Variants in PADI6 observed in about 807,000 individuals in gnomAD.
PADI6 encodes peptidyl arginine deiminase 6.
PADI6 carries 66 observed loss-of-function variants against 78.2 expected under a neutral mutation model. That is an observed-to-expected ratio of 0.84 (90% CI 0.69 to 1.04). PADI6 has a LOEUF of 1.04. Among genes scored for constraint, PADI6 ranks in the 50% least tolerant of loss-of-function variants. The probability of loss-of-function intolerance (pLI) is 0.00; values close to 1 mark genes in which losing one functional copy is unlikely to be tolerated. For synonymous variants in PADI6, 397 were observed against 346.9 expected (o/e 1.14, Z -1.60); for missense variants, 854 against 866.1 (o/e 0.99, Z 0.18).
chr1:17,389,037 C>T (rs1225525720), intron 8 of PADI6, among the ~76,000 whole-genome samples, 157 bp downstream of exon 8: 1 of 152,184 alleles, frequency 6.6e-6, no homozygotes, highest in Non-Finnish European at 1.5e-5. Context: ...CCAAGACAGT[C>T]CAATACATGC....
intron 9 of PADI6, 26 bp from the exon 10 acceptor site, chr1:17,393,949 A>T (rs778301791): frequency 1.2e-6 from 2 of 1,601,198 alleles, no homozygotes; most frequent in Admixed American, 1.7e-5. Context: ...TGACTGGCAA[A>T]CAATCTGTCT....
At position 17,392,104 on chromosome 1, in the gene PADI6, C is replaced by T. The variant is rs533668017; in HGVS notation, c.963-10C>T. 15 of 1,553,184 alleles carry T rather than the reference C, an allele frequency of 9.7e-6. No homozygotes were observed. Among genetic ancestry groups the T allele is most frequent in the Middle Eastern group, 3.3e-4 (2 of 5,976 alleles). Reference sequence around the variant, plus strand: ...AAGCCTTCCCAGAACTGGCTTCTCTCCCATGGCAGGGAGCTGCAGCTGCAG... The same window carrying T: ...AAGCCTTCCCAGAACTGGCTTCTCTTCCATGGCAGGGAGCTGCAGCTGCAG... On this transcript the variant is annotated splice_polypyrimidine_tract_variant and intron_variant, in intron 8 of 15. Coordinates refer to ENST00000619609, the MANE Select transcript of PADI6 (RefSeq NM_207421.4).
chr1:17,380,087 T>G (rs2075058084), intron 4 of PADI6, 100 bp downstream of exon 4: 2 of 1,187,254 alleles, frequency 1.7e-6, no homozygotes, highest in Non-Finnish European at 2.5e-6. Flanking sequence ...GCCCAATTGC[T>G]GTGACATTGC....
chr1:17,372,432 A>T, intron 1 of PADI6, 71 bp downstream of exon 1: 1 of 1,407,996 alleles, frequency 7.1e-7, no homozygotes, highest in Non-Finnish European at 1.0e-6. Flanking sequence ...AGTCCCCTTG[A>T]TCTGGGAGTT....
chr1:17,386,510 C>A (rs1427973279), intron 6 of PADI6, among the ~76,000 whole-genome samples: 1 of 152,222 alleles, frequency 6.6e-6, no homozygotes, highest in East Asian at 1.9e-4. Context: ...GGGCTGCATG[C>A]CGTGGGCCTG....
intron 9 of PADI6, 48 bp from the exon 10 acceptor site, chr1:17,393,927 C>G: frequency 6.5e-7 from 1 of 1,542,456 alleles, no homozygotes; most frequent in Middle Eastern, 1.7e-4. Context: ...AAATGGGGTC[C>G]GGGGAGATGT....
At chr1:17,393,560 G>C (rs1179050233) in intron 9 of PADI6, among the ~76,000 whole-genome samples, 1 of 152,180 alleles carries the variant, frequency 6.6e-6, no homozygotes, top group Non-Finnish European at 1.5e-5. Context: ...GGAGTGCAGT[G>C]GCGCGATCTC....
intron 6 of PADI6, among the ~76,000 whole-genome samples, chr1:17,383,947 G>T (rs989765619): frequency 1.3e-5 from 2 of 151,482 alleles, no homozygotes; most frequent in Admixed American, 6.6e-5. Flanking sequence ...TCAGGAGTTC[G>T]AGACCAGCCC....
chr1:17,394,691 C>T (rs1164587760), intron 11 of PADI6, among the ~76,000 whole-genome samples: 1 of 151,810 alleles, frequency 6.6e-6, no homozygotes, highest in Non-Finnish European at 1.5e-5. Context: ...ATGTCATTTC[C>T]AAGAGATATG....
chr1:17,379,855 CCT>C, intron 3 of PADI6, 63 bp from the exon 4 acceptor site: 1 of 1,444,714 alleles, frequency 6.9e-7, no homozygotes, highest in Non-Finnish European at 9.7e-7. Context: ...CAGGAGATAA[CCT>C]ATAACTTTGA....
intron 8 of PADI6, among the ~76,000 whole-genome samples, chr1:17,391,517 G>A (rs376458630): frequency 1.3e-5 from 2 of 152,226 alleles, no homozygotes; most frequent in Admixed American, 6.5e-5. Context: ...ACTGCGTCCG[G>A]CCAGATGAGT....
intron 9 of PADI6, 120 bp downstream of exon 9, chr1:17,392,345 G>A (rs1011843731): frequency 3.8e-5 from 27 of 714,838 alleles, no homozygotes; most frequent in East Asian, 1.4e-4. Context: ...TGATAGGGGC[G>A]GCCCTGTTCT....
chr1:17,379,976 A>G lies in PADI6; in HGVS notation c.424A>G (p.Lys142Glu), dbSNP rs772543473. ...TGGGCAAGTTGAGATGTCAAGTGAC[A>G]AACAGGCTAAGGTGAGTCTGCCAGC... ...RNGQVEMSSDKQAKKKWIWGP... is the reference protein window; with the variant it reads ...RNGQVEMSSDEQAKKKWIWGP... Residue 142 changes from lysine (K) to glutamate (E), a missense_variant, in exon 4 of 16, where the codon AAA becomes GAA. Transcript: ENST00000619609. 1.9e-6 allele frequency: 3 copies of G among 1,613,508 alleles called. No individual in the cohort carries two copies. The highest frequency in any genetic ancestry group is 2.5e-6 in the Non-Finnish European group (3 of 1,179,546).
At chr1:17,373,005 G>C in intron 1 of PADI6, 51 bp from the exon 2 acceptor site, 1 of 1,562,758 alleles carries the variant, frequency 6.4e-7, no homozygotes, top group East Asian at 2.3e-5. Flanking sequence ...TCATCTCCTA[G>C]GCTGAGAAGG....
At chr1:17,394,904 C>G (rs765124874) in intron 11 of PADI6, 47 bp from the exon 12 acceptor site, 120 of 1,523,384 alleles carry the variant, frequency 7.9e-5, no homozygotes, top group Non-Finnish European at 1.0e-4. Context: ...GGTGACCAGC[C>G]CTGGGCCACA....
intron 3 of PADI6, among the ~76,000 whole-genome samples, chr1:17,376,852 G>T (rs759598283): frequency 1.9e-4 from 29 of 151,398 alleles, no homozygotes; most frequent in Non-Finnish European, 1.5e-5. Flanking sequence ...GGTTTGTGTG[G>T]GTTCTTTTGT....
intron 12 of PADI6, 92 bp from the exon 13 acceptor site, chr1:17,395,448 C>T: frequency 6.8e-7 from 1 of 1,463,780 alleles, no homozygotes; most frequent in Non-Finnish European, 9.2e-7. Flanking sequence ...AGAGGATCTG[C>T]CTGCCTCGGC....
Position 17,401,272 on chromosome 1 carries a change from C to A in PADI6, c.1919C>A (p.Thr640Asn), listed in dbSNP as rs772048502. 2.4e-5 allele frequency: 38 copies of A among 1,614,074 alleles called. No individual in the cohort carries two copies. Among genetic ancestry groups the A allele is most frequent in the Non-Finnish European group, 3.2e-5 (38 of 1,179,908 alleles). The change falls in exon 16 of 16, where the codon ACC becomes AAC. Residue 640 changes from threonine to asparagine, a missense_variant. By Grantham distance (65) the Thr-to-Asn change is moderately conservative. Coordinates refer to ENST00000619609, the MANE Select transcript of PADI6 (RefSeq NM_207421.4). ...PKPFGPQIKG[T>N]CCLEEKICCL... ...CCTTTTGGGCCCCAAATCAAGGGGA[C>A]CTGCTGCCTGGAAGAAAAGATTTGC...
chr1:17,375,129 T>C (rs1044318532), intron 2 of PADI6, among the ~76,000 whole-genome samples: 1 of 152,130 alleles, frequency 6.6e-6, no homozygotes, highest in African/African-American at 2.4e-5. Context: ...TTAAATCCCT[T>C]TGGGATAAGT....
Sources: gnomAD v4.1 joint callset for allele counts (sites outside exome capture counted in the v4.1 genomes callset) on GRCh38, gnomAD v4.1.1 for gene constraint, MANE v1.5 for transcripts, NCBI Gene and HGNC (gene_info 2026-07-23, HGNC 2026-07-21) for gene names.